Variants in ZNF385D observed in about 807,000 individuals in gnomAD.
ZNF385D encodes the protein zinc finger protein 385D.
A neutral mutation model predicts 35.8 loss-of-function variants in ZNF385D; 15 were observed. That is an observed-to-expected ratio of 0.42 (90% CI 0.28 to 0.64). The LOEUF is 0.64. Among genes scored for constraint, ZNF385D ranks in the 30% least tolerant of loss-of-function variants. The probability of loss-of-function intolerance (pLI) is 0.23; values close to 1 mark genes in which losing one functional copy is unlikely to be tolerated. For synonymous variants in ZNF385D, 212 were observed against 186.8 expected, an observed-to-expected ratio of 1.13 and a Z score of -1.10; for missense variants, 474 against 494.6, an observed-to-expected ratio of 0.96 and a Z score of 0.39.
At chr3:21,898,696 C>A (rs1009464837) in intron 3 of ZNF385D, among the ~76,000 whole-genome samples, 2 of 152,206 alleles carry the variant, frequency 1.3e-5, no homozygotes, top group Admixed American at 1.3e-4. Flanking sequence ...TTTCAAGTAA[C>A]AGAAGCCTGA....
rs564393609 is a variant in ZNF385D, at chr3:21,512,903, G to C, written c.277-1880C>G. Among the ~76,000 whole-genome samples, 10 of 152,184 alleles carry C rather than the reference G, an allele frequency of 6.6e-5. No homozygotes were observed. The South Asian group carries it at 1.0e-3, about 16-fold the overall frequency. Reference sequence around the variant, plus strand: ...ACAGGTCATCTTCTTTAGGCATCTGGATATATCATTTCCCTTAAAGCAGAG... The same window carrying C: ...ACAGGTCATCTTCTTTAGGCATCTGCATATATCATTTCCCTTAAAGCAGAG... On this transcript the variant is annotated intron_variant, in intron 3 of 7. Transcript: ENST00000281523.
At chr3:21,934,048 A>C (rs1701144547) in intron 3 of ZNF385D, among the ~76,000 whole-genome samples, 1 of 152,172 alleles carries the variant, frequency 6.6e-6, no homozygotes, top group Admixed American at 6.5e-5. Context: ...AAGTGCTGAA[A>C]AATGAAAATT....
intron 6 of ZNF385D, among the ~76,000 whole-genome samples, chr3:21,424,319 T>TATATATATA (rs1160001393): frequency 8.9e-4 from 25 of 28,162 alleles, no homozygotes; most frequent in African/African-American, 3.6e-3. Context: ...ATATATATAT[T>TATATATATA]TTTTTTTTTT....
chr3:21,825,252 A>AC (rs1252962774), intron 3 of ZNF385D, among the ~76,000 whole-genome samples: 2 of 151,524 alleles, frequency 1.3e-5, no homozygotes, highest in Non-Finnish European at 2.9e-5. Flanking sequence ...TCCAGGTGAA[A>AC]CCCCCTTGGC....
chr3:22,119,638 T>C (rs900326184), intron 3 of ZNF385D, among the ~76,000 whole-genome samples: 9 of 152,124 alleles, frequency 5.9e-5, no homozygotes, highest in African/African-American at 1.4e-4. Context: ...AGCTAGCTTA[T>C]GGTTACTTCA....
chr3:21,808,856 G>C (rs2072773434), intron 3 of ZNF385D, among the ~76,000 whole-genome samples: 1 of 152,196 alleles, frequency 6.6e-6, no homozygotes, highest in South Asian at 2.1e-4. Context: ...TTAAGTCTCA[G>C]ATTGACCTCT....
chr3:22,093,060 T>G (rs1348589148), intron 3 of ZNF385D, among the ~76,000 whole-genome samples: 1 of 152,080 alleles, frequency 6.6e-6, no homozygotes, highest in African/African-American at 2.4e-5. Flanking sequence ...TGGGACAACG[T>G]AGAGTCATAA....
At chr3:21,627,246 G>GGTGTGT (rs55918045) in intron 2 of ZNF385D, among the ~76,000 whole-genome samples, 10,827 of 139,394 alleles carry the variant, frequency 0.078, 565 homozygotes, top group African/African-American at 0.14. Flanking sequence ...AGAGGTGTAG[G>GGTGTGT]GTGTGTGTGT....
chr3:21,548,130 AC>A (rs2062442902), intron 3 of ZNF385D, among the ~76,000 whole-genome samples: 1 of 151,734 alleles, frequency 6.6e-6, no homozygotes, highest in African/African-American at 2.4e-5. Context: ...TTCTCTTTTC[AC>A]CCAATAAAAC....
intron 2 of ZNF385D, among the ~76,000 whole-genome samples, chr3:22,253,436 A>G (rs1700161111): frequency 6.6e-6 from 1 of 152,010 alleles, no homozygotes; most frequent in Admixed American, 6.6e-5. Flanking sequence ...TAAATTATAA[A>G]AGCAGTTTCT....
intron 3 of ZNF385D, among the ~76,000 whole-genome samples, chr3:21,864,770 C>T (rs889299053): frequency 6.6e-5 from 10 of 151,994 alleles, no homozygotes; most frequent in African/African-American, 2.4e-4. Context: ...TAATTCTATT[C>T]ATTGTCTCTT....
chr3:22,191,681 C>T (rs912390593), intron 2 of ZNF385D, among the ~76,000 whole-genome samples: 3 of 151,994 alleles, frequency 2.0e-5, no homozygotes, highest in African/African-American at 7.2e-5. Context: ...TTAAGAGACA[C>T]TAACACAATG....
intron 3 of ZNF385D, among the ~76,000 whole-genome samples, chr3:21,954,287 C>T (rs1343543990): frequency 6.6e-6 from 1 of 151,948 alleles, no homozygotes; most frequent in Non-Finnish European, 1.5e-5. Context: ...TGATGTTTGA[C>T]CCACAGCAGA....
chr3:21,598,731 A>T (rs776097733), intron 2 of ZNF385D, among the ~76,000 whole-genome samples: 10 of 152,256 alleles, frequency 6.6e-5, no homozygotes, highest in Non-Finnish European at 1.5e-4. Flanking sequence ...GGAAATAAAT[A>T]TCTGAGGACT....
At chr3:21,889,893 G>T (rs1698757790) in intron 3 of ZNF385D, among the ~76,000 whole-genome samples, 1 of 152,182 alleles carries the variant, frequency 6.6e-6, no homozygotes, top group East Asian at 1.9e-4. Context: ...GCTTCTAATA[G>T]TACTTTGGCT....
intron 4 of ZNF385D, among the ~76,000 whole-genome samples, chr3:21,493,735 T>A (rs575393107): frequency 6.6e-6 from 1 of 152,146 alleles, no homozygotes; most frequent in East Asian, 1.9e-4. Flanking sequence ...AGTGTTAGGA[T>A]TACAGCTATG....
intron 2 of ZNF385D, among the ~76,000 whole-genome samples, chr3:22,230,162 T>G (rs915379799): frequency 1.3e-5 from 2 of 152,126 alleles, no homozygotes; most frequent in Non-Finnish European, 1.5e-5. Flanking sequence ...AAATTCAAAT[T>G]TGGCTTAAAG....
chr3:21,912,433 C>G (rs567855524), intron 3 of ZNF385D, among the ~76,000 whole-genome samples: 13 of 152,054 alleles, frequency 8.5e-5, no homozygotes, highest in East Asian at 1.9e-4. Context: ...GAAGGAGTAC[C>G]AGATACCTGC....
chr3:21,899,882 T>C (rs1037267827), intron 3 of ZNF385D, among the ~76,000 whole-genome samples: 3 of 152,136 alleles, frequency 2.0e-5, no homozygotes, highest in South Asian at 2.1e-4. Flanking sequence ...GCTTAAGATA[T>C]AGTAAAAATG....
Sources: gnomAD v4.1 joint callset for allele counts (sites outside exome capture counted in the v4.1 genomes callset) on GRCh38, gnomAD v4.1.1 for gene constraint, MANE v1.5 for transcripts, NCBI Gene and HGNC (gene_info 2026-07-23, HGNC 2026-07-21) for gene names.